RAD50: variants seen among roughly 807,000 people sequenced by gnomAD.
RAD50 encodes the protein RAD50 double strand break repair protein.
A neutral mutation model predicts 168.8 loss-of-function variants in RAD50; 132 were observed. The ratio of observed to expected loss-of-function variants is 0.78; its 90% confidence interval spans 0.68 to 0.90. The LOEUF (loss-of-function observed/expected upper bound fraction) is 0.90. Among genes scored for constraint, RAD50 ranks in the 40% least tolerant of loss-of-function variants. The pLI, the probability that RAD50 is intolerant of heterozygous loss-of-function variation, is 0.00. For synonymous variants in RAD50, 525 were observed against 497.4 expected (o/e 1.06, Z -0.74); for missense variants, 1,347 against 1,534.4 (o/e 0.88, Z 2.04).
At chr5:132,557,567 T>C (rs1750027342) in intron 1 of RAD50, 114 bp downstream of exon 1, 1 of 1,484,042 alleles carries the variant, frequency 6.7e-7, no homozygotes, top group African/African-American at 1.4e-5. Context: ...TCCACAGGTG[T>C]AGGCCCTTAA....
intron 13 of RAD50, among the ~76,000 whole-genome samples, chr5:132,598,134 A>C (rs1580998406): frequency 6.9e-6 from 1 of 145,764 alleles, no homozygotes; most frequent in Admixed American, 6.9e-5. Context: ...TGCAATCTCC[A>C]CCTCCCCGGT....
intron 21 of RAD50, among the ~76,000 whole-genome samples, chr5:132,634,938 G>T (rs977577667): frequency 1.3e-5 from 2 of 151,674 alleles, no homozygotes; most frequent in African/African-American, 4.8e-5. Context: ...ACTAAATTTC[G>T]TTTTATTTAG....
Position 132,587,548 on chromosome 5 carries a change from T to G in RAD50, c.757-14T>G. The G allele has an allele frequency of 6.2e-7, 1 of 1,611,850 alleles. No homozygotes were observed. The highest frequency in any genetic ancestry group is 8.5e-7 in the Non-Finnish European group (1 of 1,179,132). On this transcript the variant is annotated splice_polypyrimidine_tract_variant and intron_variant, in intron 5 of 24. Transcript: ENST00000378823. ...ATAGTGAGTTTTATTTATGTAATGT[T>G]TCTTTATTTTCAGAATCGTCTAAAA...
At chr5:132,601,539 A>AT (rs1750886115) in intron 13 of RAD50, among the ~76,000 whole-genome samples, 1 of 152,196 alleles carries the variant, frequency 6.6e-6, no homozygotes, top group African/African-American at 2.4e-5. Context: ...CCAACTACTA[A>AT]TCTGTGACAA....
In RAD50 at chr5:132,582,097, T is replaced by G. The variant is rs542041269; in HGVS notation, c.756+2031T>G. 2.6e-5 allele frequency among the ~76,000 whole-genome samples: 4 copies of G among 152,272 alleles called. No individual in the cohort carries two copies. The South Asian group carries it at 6.2e-4, about 24-fold the overall frequency. On this transcript the variant is annotated intron_variant, in intron 5 of 24. Coordinates refer to ENST00000378823, the MANE Select transcript of RAD50 (RefSeq NM_005732.4). ...ATAAATGAGTAAGTCATTGGAGACA[T>G]AGAGACAGTAAAATCCAAGCTGTCT...
chr5:132,636,263 A>ATGTT (rs1751580128), intron 21 of RAD50, among the ~76,000 whole-genome samples: 1 of 152,174 alleles, frequency 6.6e-6, no homozygotes, highest in Non-Finnish European at 1.5e-5. Flanking sequence ...GGTGGGAACA[A>ATGTT]TGTTAGGTTT....
At chr5:132,608,136 GT>G (rs1197729727) in intron 16 of RAD50, among the ~76,000 whole-genome samples, 1 of 152,198 alleles carries the variant, frequency 6.6e-6, no homozygotes, top group African/African-American at 2.4e-5. Context: ...GGACAGAAGT[GT>G]TTTTACCATC....
chr5:132,595,189 T>G, intron 12 of RAD50, 145 bp downstream of exon 12: 1 of 881,214 alleles, frequency 1.1e-6, no homozygotes, highest in Non-Finnish European at 1.7e-6. Context: ...ACTTACTCAC[T>G]GTGTGACTTT....
rs79229143 is a variant in RAD50, at chr5:132,643,725, T to TGGGGG, written c.*1366_*1370dup. The TGGGGG allele has an allele frequency of 1.6e-3, 169 of 104,236 alleles. 1 individual carries two copies. The highest frequency in any genetic ancestry group is 3.1e-3 in the Middle Eastern group (1 of 318). The allele number at this position is 104,236 out of a possible 1,614,324, so 6.5% of individuals were successfully genotyped here. A position where few individuals can be genotyped will look rare whatever the true frequency, so the allele number is the denominator to read the frequency against. ...GAGTATCCTGGGGGTGGTGGTGGGG[T>TGGGGG]GGGGGGGGGTCCTAAATGTAATCAC... On this transcript the variant is annotated 3_prime_UTR_variant, in exon 25 of 25. Coordinates refer to ENST00000378823, the MANE Select transcript of RAD50 (RefSeq NM_005732.4).
chr5:132,587,328 G>A lies in RAD50; in HGVS notation c.757-234G>A, dbSNP rs192101765. On this transcript the variant is annotated intron_variant, in intron 5 of 24. Coordinates refer to ENST00000378823, the MANE Select transcript of RAD50 (RefSeq NM_005732.4). ...TGTTGAGGACAGGACATGGTGTTTG[G>A]AGTTAGAAGTGGAATTTAATTCCTG... Among the ~76,000 whole-genome samples the A allele has an allele frequency of 1.5e-4, 23 of 152,314 alleles. No homozygotes were observed. The East Asian group carries it at 4.4e-3, about 29-fold the overall frequency.
rs1750668566 is a variant in RAD50, at chr5:132,589,890, G to C, written c.1452+53G>C. The C allele has an allele frequency of 5.4e-6, 8 of 1,473,472 alleles. No individual in the cohort carries two copies. The Admixed American group carries it at 1.4e-4, about 26-fold the overall frequency. 91.3% of individuals were successfully genotyped at this position (1,473,472 alleles called of 1,614,324 possible). A position where few individuals can be genotyped will look rare whatever the true frequency, so the allele number is the denominator to read the frequency against. ...ATTTTAAGATATAATACTTTTAGAA[G>C]TATTTTGTCTATTTTTGATCCTAAG... On this transcript the variant is annotated intron_variant, in intron 9 of 24. Transcript: ENST00000378823.
intron 16 of RAD50, among the ~76,000 whole-genome samples, chr5:132,608,325 T>C (rs544489805): frequency 6.6e-6 from 1 of 152,326 alleles, no homozygotes; most frequent in South Asian, 2.1e-4. Context: ...CAGTATAGCA[T>C]GCGTAGTGGT....
At chr5:132,583,018 C>T (rs1426236233) in intron 5 of RAD50, among the ~76,000 whole-genome samples, 2 of 152,120 alleles carry the variant, frequency 1.3e-5, no homozygotes, top group African/African-American at 4.8e-5. Context: ...TACCAAGAGG[C>T]AGTGAAAACA....
chr5:132,608,098 C>G (rs1466704713), intron 16 of RAD50, among the ~76,000 whole-genome samples: 1 of 152,230 alleles, frequency 6.6e-6, no homozygotes, highest in African/African-American at 2.4e-5. Flanking sequence ...CATGAAATAT[C>G]TGCGTAGCCT....
chr5:132,604,659 G>A, intron 15 of RAD50, 147 bp from the exon 16 acceptor site: 1 of 694,142 alleles, frequency 1.4e-6, no homozygotes, highest in South Asian at 1.8e-5. Context: ...GAACTAGCAG[G>A]GTTCTCATTG....
intron 21 of RAD50, among the ~76,000 whole-genome samples, chr5:132,621,834 G>C (rs1190284913): frequency 6.6e-6 from 1 of 152,078 alleles, no homozygotes. Flanking sequence ...TCTAGACTCA[G>C]CTTTAGTTCT....
At chr5:132,640,227 A>C (rs534020929) in intron 23 of RAD50, among the ~76,000 whole-genome samples, 16 of 152,352 alleles carry the variant, frequency 1.1e-4, no homozygotes, top group African/African-American at 3.8e-4. Flanking sequence ...ATTTAAAGGT[A>C]GCAGAGAAAA....
Position 132,558,588 on chromosome 5 carries a change from G to A in RAD50, c.130-696G>A, listed in dbSNP as rs570332685. Among the ~76,000 whole-genome samples, 85 of 152,156 alleles carry A rather than the reference G, an allele frequency of 5.6e-4. 1 individual carries two copies. Among genetic ancestry groups the A allele is most frequent in the Non-Finnish European group, 1.0e-3 (68 of 67,988 alleles). ...TAGCCAGGCGTGGTGGCGCATGCCTGTAATCCTAGCTACTGGGGAGGCCGA... is the reference window on the plus strand; with the variant it reads ...TAGCCAGGCGTGGTGGCGCATGCCTATAATCCTAGCTACTGGGGAGGCCGA... On this transcript the variant is annotated intron_variant, in intron 1 of 24. Transcript: ENST00000378823.
rs185139295 is a variant in RAD50 at position 132,624,186 on chromosome 5, A to C, written c.3389+5892A>C. On this transcript the variant is annotated intron_variant, in intron 21 of 24. Coordinates refer to ENST00000378823, the MANE Select transcript of RAD50 (RefSeq NM_005732.4). ...GTTCCCTGGGTCCAAAATGGCTCAT[A>C]GAATTATATGCCTGCACCAAATGAG... 4.0e-4 allele frequency among the ~76,000 whole-genome samples: 61 copies of C among 152,314 alleles called. No homozygotes were observed. The East Asian group carries it at 4.0e-3, about 10-fold the overall frequency.
Sources: allele counts gnomAD v4.1 joint callset (sites outside exome capture counted in the v4.1 genomes callset), GRCh38; gene constraint gnomAD v4.1.1; transcripts MANE v1.5; gene names NCBI Gene and HGNC (gene_info 2026-07-23, HGNC 2026-07-21).